The following HECW2 variants were observed in gnomAD, a reference collection of about 807,000 sequenced individuals.
HECW2 encodes E3 ubiquitin-protein ligase HECW2.
In HECW2, 61 loss-of-function variants were observed where a neutral mutation model predicts 175.2. The observed-to-expected ratio is 0.35, with a 90% CI of 0.28 to 0.43. HECW2 has a LOEUF of 0.43. Among genes scored for constraint, HECW2 ranks in the 20% least tolerant of loss-of-function variants. HECW2 has a pLI of 1.00. For synonymous variants in HECW2, 671 were observed against 731.0 expected (o/e 0.92, Z 1.32); for missense variants, 1,524 against 2,000.5 (o/e 0.76, Z 4.54).
chr2:196,304,826 T>C (rs2105700189), intron 13 of HECW2, among the ~76,000 whole-genome samples: 1 of 152,338 alleles, frequency 6.6e-6, no homozygotes, highest in East Asian at 1.9e-4. Context: ...TAGTGTCCTA[T>C]GTTCTCAATA....
At chr2:196,311,157 T>C (rs950690697) in intron 10 of HECW2, among the ~76,000 whole-genome samples, 34 of 152,216 alleles carry the variant, frequency 2.2e-4, no homozygotes, top group African/African-American at 8.2e-4. Context: ...AATATTTCAT[T>C]TGCATAAATA....
chr2:196,246,930 TCATGAAAGAAGTCATTTA>T (rs1205816532), intron 19 of HECW2, among the ~76,000 whole-genome samples: 1 of 152,178 alleles, frequency 6.6e-6, no homozygotes, highest in Non-Finnish European at 1.5e-5. Flanking sequence ...CATAGTTCCA[TCATGAAAGAAGTCATTTA>T]CACATTATTT....
At chr2:196,291,238 C>T in intron 14 of HECW2, 1 of 152,128 alleles carries the variant, frequency 6.6e-6, no homozygotes, top group East Asian at 1.9e-4. Context: ...TTACTTCTTT[C>T]AGGTATCTGC....
chr2:196,250,008 C>T (rs1688796761), intron 19 of HECW2, among the ~76,000 whole-genome samples: 1 of 152,214 alleles, frequency 6.6e-6, no homozygotes, highest in African/African-American at 2.4e-5. Context: ...GAAGTGAACT[C>T]AGCCACATTT....
At chr2:196,585,871 C>T (rs773075091) in intron 1 of HECW2, among the ~76,000 whole-genome samples, 1 of 152,056 alleles carries the variant, frequency 6.6e-6, no homozygotes, top group African/African-American at 2.4e-5. Context: ...TGAAGTGAAG[C>T]CTAAGGCAAA....
At chr2:196,556,701 G>A (rs1315558426) in intron 1 of HECW2, among the ~76,000 whole-genome samples, 2 of 152,198 alleles carry the variant, frequency 1.3e-5, no homozygotes, top group African/African-American at 2.4e-5. Flanking sequence ...ATTAAAGTAC[G>A]TGGATGAAGA....
chr2:196,348,421 T>C (rs1199484662), intron 2 of HECW2, among the ~76,000 whole-genome samples: 1 of 152,040 alleles, frequency 6.6e-6, no homozygotes, highest in Non-Finnish European at 1.5e-5. Flanking sequence ...GATAGGAGGA[T>C]TGCTTGAGGC....
At chr2:196,210,156 A>G (rs1687224490) in intron 28 of HECW2, among the ~76,000 whole-genome samples, 1 of 152,220 alleles carries the variant, frequency 6.6e-6, no homozygotes, top group Admixed American at 6.5e-5. Context: ...ACAGTAGACA[A>G]TGCTCCCTAT....
intron 1 of HECW2, among the ~76,000 whole-genome samples, chr2:196,463,654 A>G (rs1696835730): frequency 6.6e-6 from 1 of 152,318 alleles, no homozygotes; most frequent in South Asian, 2.1e-4. Flanking sequence ...TACAAAGTGA[A>G]ACTATTTCCA....
At chr2:196,224,544 G>A (rs892359331) in intron 23 of HECW2, among the ~76,000 whole-genome samples, 14 of 152,092 alleles carry the variant, frequency 9.2e-5, no homozygotes, top group Admixed American at 3.3e-4. Flanking sequence ...AAAAGAACCC[G>A]CAAAGTACAG....
chr2:196,462,677 C>G (rs1309566526), intron 1 of HECW2, among the ~76,000 whole-genome samples: 1 of 151,608 alleles, frequency 6.6e-6, no homozygotes, highest in African/African-American at 2.4e-5. Context: ...CTCCCAAGCA[C>G]CCACCCCTCC....
chr2:196,210,585 A>C (rs990905883), intron 28 of HECW2, among the ~76,000 whole-genome samples: 1 of 151,520 alleles, frequency 6.6e-6, no homozygotes, highest in Non-Finnish European at 1.5e-5. Context: ...TTTTTGTAAA[A>C]TTTTCTTTTT....
chr2:196,338,199 C>T (rs1290594474), intron 3 of HECW2, among the ~76,000 whole-genome samples: 1 of 152,094 alleles, frequency 6.6e-6, no homozygotes, highest in African/African-American at 2.4e-5. Flanking sequence ...TAAACCTGTT[C>T]TCGAGTAAAG....
chr2:196,257,770 G>T, intron 18 of HECW2, 53 bp downstream of exon 18: 1 of 1,224,890 alleles, frequency 8.2e-7, no homozygotes, highest in Non-Finnish European at 1.2e-6. Flanking sequence ...AATGTTCCAT[G>T]ATATCTGATG....
intron 2 of HECW2, among the ~76,000 whole-genome samples, chr2:196,381,234 C>CA (rs1694199207): frequency 6.6e-6 from 1 of 152,134 alleles, no homozygotes; most frequent in South Asian, 2.1e-4. Context: ...ACATGGTTCT[C>CA]ACGTCACTGA....
chr2:196,408,901 C>T (rs529103349), intron 2 of HECW2, among the ~76,000 whole-genome samples: 1 of 152,270 alleles, frequency 6.6e-6, no homozygotes, highest in East Asian at 1.9e-4. Flanking sequence ...AGGGGCCCAC[C>T]TATCTCACAA....
At chr2:196,260,936 AATAT>A (rs2105932676) in intron 17 of HECW2, among the ~76,000 whole-genome samples, 1 of 152,310 alleles carries the variant, frequency 6.6e-6, no homozygotes, top group African/African-American at 2.4e-5. Flanking sequence ...ACAATATAAT[AATAT>A]TTTAGATGAG....
chr2:196,570,354 C>T (rs1383673064), intron 1 of HECW2, among the ~76,000 whole-genome samples: 3 of 152,168 alleles, frequency 2.0e-5, no homozygotes, highest in South Asian at 4.1e-4. Context: ...ACAAATTTAT[C>T]GACGTCAGAG....
intron 1 of HECW2, among the ~76,000 whole-genome samples, chr2:196,571,696 G>C (rs1248908588): frequency 1.2e-4 from 18 of 150,474 alleles, no homozygotes; most frequent in Admixed American, 1.2e-3. Flanking sequence ...ATGAGATTCT[G>C]TCTCAAAAAA....
Sources: gnomAD v4.1 joint callset for allele counts (sites outside exome capture counted in the v4.1 genomes callset) on GRCh38, gnomAD v4.1.1 for gene constraint, MANE v1.5 for transcripts, NCBI Gene and HGNC (gene_info 2026-07-23, HGNC 2026-07-21) for gene names.